KCTD16: variants seen among roughly 807,000 people sequenced by gnomAD.
KCTD16 encodes the protein BTB/POZ domain-containing protein KCTD16.
KCTD16 carries 13 observed loss-of-function variants against 33.2 expected under a neutral mutation model. That is an observed-to-expected ratio of 0.39 (90% confidence interval 0.25 to 0.62). The LOEUF is 0.62. Ranked by LOEUF, KCTD16 falls within the 20% of genes least tolerant of loss-of-function variation. KCTD16 has a pLI of 0.50. For synonymous variants in KCTD16, 197 were observed against 195.3 expected, an observed-to-expected ratio of 1.01 and a Z score of -0.07; for missense variants, 441 against 525.1, an observed-to-expected ratio of 0.84 and a Z score of 1.57.
At chr5:144,356,503 TC>T (rs2126912168) in intron 3 of KCTD16, among the ~76,000 whole-genome samples, 1 of 152,116 alleles carries the variant, frequency 6.6e-6, no homozygotes, top group South Asian at 2.1e-4. Flanking sequence ...TTCTGAAAGG[TC>T]AGTTTCAGAA....
rs116545819 is a variant in KCTD16, at chr5:144,481,032, G to A, written c.*6918G>A. 418 of 152,058 alleles carry A rather than the reference G, an allele frequency of 2.7e-3. 2 individuals are homozygous for A. Among genetic ancestry groups the A allele is most frequent in the African/African-American group, 9.6e-3 (398 of 41,520 alleles). 9.4% of individuals were successfully genotyped at this position (152,058 alleles called of 1,614,324 possible). On this transcript the variant is annotated 3_prime_UTR_variant, in exon 4 of 4. Coordinates refer to ENST00000512467, the MANE Select transcript of KCTD16 (RefSeq NM_020768.4). ...TGAAAGCTGAGATTTACAGAAATAG[G>A]AAACTTTTTCCAGGGATCTGGTAGT...
At position 144,485,084 on chromosome 5, in the gene KCTD16, T is replaced by G. The variant is rs1360732354; in HGVS notation, c.*10970T>G. On this transcript the variant is annotated 3_prime_UTR_variant, in exon 4 of 4. Transcript: ENST00000512467. ...TGAATAGCAAATATACATAAACTAC[T>G]GTGACTCTAATAACTCTAACTGTTT... The G allele has an allele frequency of 6.6e-6, 1 of 151,950 alleles. No individual in the cohort carries two copies. The highest frequency in any genetic ancestry group is 1.5e-5 in the Non-Finnish European group (1 of 67,916). The allele number at this position is 151,950 out of a possible 1,614,324, so 9.4% of individuals were successfully genotyped here. A position where few individuals can be genotyped will look rare whatever the true frequency, so the allele number is the denominator to read the frequency against.
In KCTD16 at chr5:144,482,466, T is replaced by C. The variant is rs554899226; in HGVS notation, c.*8352T>C. 2.0e-5 allele frequency: 3 copies of C among 151,902 alleles called. No individual in the cohort carries two copies. In the South Asian group the frequency reaches 6.2e-4, roughly 32 times the overall value. 9.4% of individuals were successfully genotyped at this position (151,902 alleles called of 1,614,324 possible). Reference sequence around the variant, plus strand: ...AGGGCAAGCTTCAGGAGAAGTAAAATAGGTGTATGAGCGTGTTTATATGTG... The same window carrying C: ...AGGGCAAGCTTCAGGAGAAGTAAAACAGGTGTATGAGCGTGTTTATATGTG... On this transcript the variant is annotated 3_prime_UTR_variant, in exon 4 of 4. Transcript: ENST00000512467.
intron 3 of KCTD16, among the ~76,000 whole-genome samples, chr5:144,324,252 AT>A (rs1179432802): frequency 6.6e-6 from 1 of 152,150 alleles, no homozygotes; most frequent in Non-Finnish European, 1.5e-5. Flanking sequence ...GTCAATGTGC[AT>A]GTTTAATTTC....
intron 2 of KCTD16, among the ~76,000 whole-genome samples, chr5:144,187,830 G>A (rs1329381462): frequency 1.3e-5 from 2 of 152,174 alleles, no homozygotes; most frequent in African/African-American, 2.4e-5. Flanking sequence ...GCTATTTATT[G>A]GAAACCAGCC....
At chr5:144,302,800 T>C (rs553657711) in intron 3 of KCTD16, among the ~76,000 whole-genome samples, 4 of 152,326 alleles carry the variant, frequency 2.6e-5, no homozygotes, top group African/African-American at 9.6e-5. Context: ...CAGTTGTATG[T>C]GATGAAAACA....
At chr5:144,459,730 A>G (rs1754149941) in intron 3 of KCTD16, among the ~76,000 whole-genome samples, 2 of 151,618 alleles carry the variant, frequency 1.3e-5, no homozygotes, top group African/African-American at 2.4e-5. Context: ...TGGAAAAATC[A>G]TCATTTTTAT....
chr5:144,431,594 C>A (rs893197876), intron 3 of KCTD16, among the ~76,000 whole-genome samples: 2 of 152,090 alleles, frequency 1.3e-5, no homozygotes, highest in African/African-American at 4.8e-5. Context: ...GTCCACATCA[C>A]AAAATTTTTG....
chr5:144,290,936 A>AT (rs1755880267), intron 3 of KCTD16, among the ~76,000 whole-genome samples: 1 of 152,218 alleles, frequency 6.6e-6, no homozygotes. Flanking sequence ...CTTATTTATA[A>AT]CCTTCTTGGT....
chr5:144,224,383 G>T (rs367613854), intron 3 of KCTD16, among the ~76,000 whole-genome samples: 74 of 100,310 alleles, frequency 7.4e-4, no homozygotes, highest in East Asian at 2.8e-3. Flanking sequence ...AATATAATGT[G>T]TTTTTTTTTT....
chr5:144,410,429 C>A (rs1481372894), intron 3 of KCTD16, among the ~76,000 whole-genome samples: 2 of 152,148 alleles, frequency 1.3e-5, no homozygotes, highest in African/African-American at 4.8e-5. Context: ...CTGTATGTAA[C>A]CTCATATGTA....
At chr5:144,354,663 T>G (rs1244967765) in intron 3 of KCTD16, among the ~76,000 whole-genome samples, 2 of 152,188 alleles carry the variant, frequency 1.3e-5, no homozygotes, top group Admixed American at 1.3e-4. Context: ...CTGAATACAT[T>G]TATTGAATAA....
chr5:144,319,461 G>A (rs1311345380), intron 3 of KCTD16, among the ~76,000 whole-genome samples: 1 of 152,126 alleles, frequency 6.6e-6, no homozygotes, highest in Non-Finnish European at 1.5e-5. Flanking sequence ...ATTCCAACAT[G>A]TTAAAGGTTA....
intron 3 of KCTD16, among the ~76,000 whole-genome samples, chr5:144,431,214 C>T (rs557019725): frequency 2.0e-5 from 3 of 152,288 alleles, no homozygotes; most frequent in Admixed American, 1.3e-4. Flanking sequence ...AGCCTACCTG[C>T]ATATCCATTT....
intron 3 of KCTD16, among the ~76,000 whole-genome samples, chr5:144,429,956 TG>T (rs1202565272): frequency 6.6e-6 from 1 of 151,470 alleles, no homozygotes; most frequent in Non-Finnish European, 1.5e-5. Context: ...AAGAAGAAAA[TG>T]GGCTGAGCAG....
intron 3 of KCTD16, among the ~76,000 whole-genome samples, chr5:144,349,575 A>G (rs1449569380): frequency 1.3e-5 from 2 of 152,180 alleles, no homozygotes; most frequent in East Asian, 3.9e-4. Flanking sequence ...AGGCAATTGT[A>G]TGGATCTTCT....
chr5:144,312,291 C>T (rs758243494), intron 3 of KCTD16, among the ~76,000 whole-genome samples: 1 of 152,160 alleles, frequency 6.6e-6, no homozygotes, highest in Non-Finnish European at 1.5e-5. Context: ...TGCTTGGCCC[C>T]ATTAGTAATG....
intron 3 of KCTD16, among the ~76,000 whole-genome samples, chr5:144,219,978 A>T (rs1433858516): frequency 6.6e-6 from 1 of 152,090 alleles, no homozygotes; most frequent in Admixed American, 6.5e-5. Flanking sequence ...CACATACTTC[A>T]TGGCCCTGGA....
intron 3 of KCTD16, among the ~76,000 whole-genome samples, chr5:144,314,166 G>A (rs185548272): frequency 6.6e-6 from 1 of 152,088 alleles, no homozygotes; most frequent in African/African-American, 2.4e-5. Context: ...TTGACAATTA[G>A]CAGGTTTATT....
Sources: gnomAD v4.1 joint callset for allele counts (sites outside exome capture counted in the v4.1 genomes callset) on GRCh38, gnomAD v4.1.1 for gene constraint, MANE v1.5 for transcripts, NCBI Gene and HGNC (gene_info 2026-07-23, HGNC 2026-07-21) for gene names.